The following ZNF669 variants were observed in gnomAD, a reference collection of about 807,000 sequenced individuals.
ZNF669 encodes zinc finger protein 669.
A neutral mutation model predicts 11.4 loss-of-function variants in ZNF669; 7 were observed. That is an observed-to-expected ratio of 0.62 (90% CI 0.35 to 1.16). The LOEUF (loss-of-function observed/expected upper bound fraction) is 1.16, where lower values mean the gene tolerates loss of function less well. Among genes scored for constraint, ZNF669 ranks in the 50% most tolerant of loss-of-function variants. The pLI is 0.02. For synonymous variants in ZNF669, 153 were observed against 155.8 expected, an observed-to-expected ratio of 0.98 and a Z score of 0.13; for missense variants, 492 against 463.6, an observed-to-expected ratio of 1.06 and a Z score of -0.56.
chr1:247,100,520 G>A lies in ZNF669; in HGVS notation c.991C>T (p.Pro331Ser). ...LHERIHTGEK[P>S]YECKKCGKAY... is the part of the protein sequence containing the mutation. ...TTACCGCATTTCTTACATTCATAGG[G>A]TTTTTCTCCAGTATGAATTCTTTCG... The change falls in exon 4 of 4, where the codon CCC (proline) becomes TCC (serine). Residue 331 changes from proline (P) to serine (S), a missense_variant. Physicochemically the swap from Pro to Ser is moderately conservative, Grantham distance 74. Coordinates refer to ENST00000448299, the MANE Select transcript of ZNF669 (RefSeq NM_001142572.2). 6.2e-7 allele frequency: 1 copy of A among 1,614,216 alleles called. No homozygotes were observed. Among genetic ancestry groups the A allele is most frequent in the Non-Finnish European group, 8.5e-7 (1 of 1,180,046 alleles).
At chr1:247,103,035 T>C (rs1480703821) in intron 1 of ZNF669, among the ~76,000 whole-genome samples, 2 of 152,170 alleles carry the variant, frequency 1.3e-5, no homozygotes, top group Non-Finnish European at 2.9e-5. Flanking sequence ...TCATACCTAG[T>C]AAAAATGACA....
chr1:247,101,179 A>G lies in ZNF669; in HGVS notation c.332T>C (p.Val111Ala). 6.2e-7 allele frequency: 1 copy of G among 1,614,112 alleles called. No homozygotes were observed. The change falls in exon 4 of 4, where the codon GTC becomes GCC. Residue 111 changes from valine (V) to alanine (A), a missense_variant. Physicochemically the swap from Val to Ala is moderately conservative, Grantham distance 64. Coordinates refer to ENST00000448299, the MANE Select transcript of ZNF669 (RefSeq NM_001142572.2). The part of the protein sequence containing the change: ...KPCECSICGK[V>A]FVRHSLLNRH... Reference sequence around the variant, plus strand: ...ATTAAGGAGGGAATGACGTACAAAGACTTTTCCACAAATACTGCATTCACA... The same window carrying G: ...ATTAAGGAGGGAATGACGTACAAAGGCTTTTCCACAAATACTGCATTCACA...
In ZNF669 at chr1:247,101,753, C is replaced by T. The variant is rs758187041; in HGVS notation, c.169G>A (p.Glu57Lys). 2.2e-5 allele frequency: 36 copies of T among 1,613,832 alleles called. No homozygotes were observed. The highest frequency in any genetic ancestry group is 1.1e-4 in the East Asian group (5 of 44,862). The change falls in exon 3 of 4, where the codon GAA becomes AAA. Residue 57 changes from glutamate to lysine, a missense_variant. Transcript: ENST00000448299. ...WKDQNIEDHF[E>K]KPGKDIRNHI... is the part of the protein sequence containing the mutation. The stretch of plus-strand genomic sequence containing the variant: ...TACCTTATATCTTTCCCAGGTTTTT[C>T]GAAGTGATCTTCAATATTCTGGTCT...
intron 1 of ZNF669, 185 bp downstream of exon 1, chr1:247,104,012 T>C: frequency 1.9e-6 from 3 of 1,599,118 alleles, no homozygotes; most frequent in Non-Finnish European, 2.6e-6. Flanking sequence ...ACAGACAGGA[T>C]GCAGGGGTTC....
intron 3 of ZNF669, 84 bp downstream of exon 3, chr1:247,101,647 T>G: frequency 1.5e-6 from 2 of 1,297,684 alleles, no homozygotes; most frequent in Non-Finnish European, 2.2e-6. Context: ...GTGACTCTTA[T>G]TTGTTTTGAT....
rs142870669 is a variant in ZNF669, at chr1:247,101,491, C to T, written c.192-172G>A. 3.5e-3 allele frequency among the ~76,000 whole-genome samples: 537 copies of T among 152,158 alleles called. 1 individual carries two copies. The highest frequency in any genetic ancestry group is 5.9e-3 in the Non-Finnish European group (404 of 68,010). On this transcript the variant is annotated intron_variant, in intron 3 of 3. Transcript: ENST00000448299. ...GTTACTACTGAAAACACAGCTACCA[C>T]CTGCATGGCTATGACCAAAATAGTA...
In ZNF669 at chr1:247,102,031, TAG is replaced by T. The variant is rs778065882; in HGVS notation, c.84_85del (p.Tyr29GlnfsTer24). On this transcript the variant is annotated frameshift_variant, in exon 2 of 4. Coordinates refer to ENST00000448299, the MANE Select transcript of ZNF669 (RefSeq NM_001142572.2). LOFTEE classifies it high-confidence loss of function. ...GCAGGTTTCCTGCATCACTTCTCTGTAGAGATTCTTCTGAGAAGAATCTAGCA... is the reference window on the plus strand; with the variant it reads ...GCAGGTTTCCTGCATCACTTCTCTGTAGATTCTTCTGAGAAGAATCTAGCA... 1.2e-6 allele frequency: 2 copies of T among 1,613,806 alleles called. No individual in the cohort carries two copies. Among genetic ancestry groups the T allele is most frequent in the South Asian group, 2.2e-5 (2 of 90,994 alleles).
At chr1:247,102,228 T>C in intron 1 of ZNF669, 115 bp from the exon 2 acceptor site, 1 of 1,268,432 alleles carries the variant, frequency 7.9e-7, no homozygotes, top group Non-Finnish European at 1.1e-6. Context: ...ATTTATTCTA[T>C]GACTTGATTG....
At chr1:247,103,033 A>C (rs1035541634) in intron 1 of ZNF669, among the ~76,000 whole-genome samples, 1 of 152,228 alleles carries the variant, frequency 6.6e-6, no homozygotes, top group Non-Finnish European at 1.5e-5. Flanking sequence ...TTTCATACCT[A>C]GTAAAAATGA....
chr1:247,100,881 A>G lies in ZNF669; in HGVS notation c.630T>C (p.His210=). The change falls in exon 4 of 4, where the codon CAT becomes CAC. Residue 210 remains histidine, a synonymous_variant. Coordinates refer to ENST00000448299, the MANE Select transcript of ZNF669 (RefSeq NM_001142572.2). ...GTTTCTCTCCAGTGTGAGTTCGTTC[A>G]TGTATTAGACAAGAACCGGAAACAG... is the stretch of plus-strand genomic sequence containing the variant. ...AFTVSGSCLI[H]ERTHTGEKPY... 1 of 1,614,178 alleles carries G rather than the reference A, an allele frequency of 6.2e-7. No individual in the cohort carries two copies. The highest frequency in any genetic ancestry group is 8.5e-7 in the Non-Finnish European group (1 of 1,180,036).
intron 3 of ZNF669, 81 bp downstream of exon 3, chr1:247,101,650 G>T: frequency 7.5e-7 from 1 of 1,333,010 alleles, no homozygotes; most frequent in Non-Finnish European, 1.0e-6. Context: ...ACTCTTATTT[G>T]TTTTGATTGC....
At position 247,100,586 on chromosome 1, in the gene ZNF669, A is replaced by G; in HGVS notation, c.925T>C (p.Cys309Arg). The change falls in exon 4 of 4, where the codon TGT becomes CGT. Residue 309 changes from cysteine (C) to arginine (R), a missense_variant. Coordinates refer to ENST00000448299, the MANE Select transcript of ZNF669 (RefSeq NM_001142572.2). ...CTGAGGCGACTGAAGGCTTGATCAC[A>G]TTGTTTACATTCATAGGGTTTCTCT... The part of the protein sequence containing the change: ...TGEKPYECKQ[C>R]DQAFSRLSSL... 2.5e-6 allele frequency: 4 copies of G among 1,614,154 alleles called. No homozygotes were observed. The highest frequency in any genetic ancestry group is 1.7e-5 in the Admixed American group (1 of 60,016).
In ZNF669 at chr1:247,101,750, T is replaced by C; in HGVS notation, c.172A>G (p.Lys58Glu). The change falls in exon 3 of 4, where the codon AAA becomes GAA. Residue 58 changes from lysine to glutamate, a missense_variant. By Grantham distance (56) the Lys-to-Glu change is moderately conservative. Coordinates refer to ENST00000448299, the MANE Select transcript of ZNF669 (RefSeq NM_001142572.2). ...AATTACCTTATATCTTTCCCAGGTT[T>C]TTCGAAGTGATCTTCAATATTCTGG... ...KDQNIEDHFE[K>E]PGKDIRNHIV... is the part of the protein sequence containing the mutation. 1 of 1,614,060 alleles carries C rather than the reference T, an allele frequency of 6.2e-7. No individual in the cohort carries two copies. Among genetic ancestry groups the C allele is most frequent in the South Asian group, 1.1e-5 (1 of 91,062 alleles).
rs1047188480 is a variant in ZNF669 at position 247,100,066 on chromosome 1, G to A, written c.*308C>T. The A allele has an allele frequency of 8.0e-6, 2 of 250,880 alleles. No individual in the cohort carries two copies. The highest frequency in any genetic ancestry group is 1.5e-5 in the Non-Finnish European group (2 of 130,102). The allele number at this position is 250,880 out of a possible 1,614,324, so 15.5% of individuals were successfully genotyped here. A position where few individuals can be genotyped will look rare whatever the true frequency, so the allele number is the denominator to read the frequency against. The stretch of plus-strand genomic sequence containing the variant: ...GTGGTGCGATCTCGGCTCACTGCAA[G>A]TTCCGCCTCCCGGGTTCATGCCATT... On this transcript the variant is annotated 3_prime_UTR_variant, in exon 4 of 4. Transcript: ENST00000448299.
At chr1:247,104,021 TCCGCTGCCCGCC>T in intron 1 of ZNF669, 164 bp downstream of exon 1, 1 of 1,593,914 alleles carries the variant, frequency 6.3e-7, no homozygotes. Context: ...ATGCAGGGGT[TCCGCTGCCCGCC>T]CCGCCCGGCC....
chr1:247,104,320 G>A lies in ZNF669; in HGVS notation c.-121C>T. 7.6e-7 allele frequency: 1 copy of A among 1,310,832 alleles called. No homozygotes were observed. The highest frequency in any genetic ancestry group is 1.0e-6 in the Non-Finnish European group (1 of 1,003,204). The allele number at this position is 1,310,832 out of a possible 1,614,324, so 81.2% of individuals were successfully genotyped here. ...CCCAGAGCCAAGAACTAGCAGCGGA[G>A]ACTAACAGGAAGAGCCGGCTCCGGC... On this transcript the variant is annotated 5_prime_UTR_variant, in exon 1 of 4. Coordinates refer to ENST00000448299, the MANE Select transcript of ZNF669 (RefSeq NM_001142572.2).
chr1:247,100,383 C>A lies in ZNF669; in HGVS notation c.1128G>T (p.Trp376Cys). The A allele has an allele frequency of 6.3e-7, 1 of 1,591,464 alleles. No homozygotes were observed. The highest frequency in any genetic ancestry group is 8.6e-7 in the Non-Finnish European group (1 of 1,163,984). The part of the protein sequence containing the change: ...NPSTLGGQGV[W>C]IA ...TTATGAACTCCTGGGCTCAAGCAAT[C>A]CACACGCCTTGGCCTCCCAAAGTGC... Residue 376 changes from tryptophan to cysteine, a missense_variant, in exon 4 of 4, where the codon TGG becomes TGT. By Grantham distance (215) the Trp-to-Cys change is radical. Coordinates refer to ENST00000448299, the MANE Select transcript of ZNF669 (RefSeq NM_001142572.2).
chr1:247,103,121 A>C (rs1248847769), intron 1 of ZNF669, among the ~76,000 whole-genome samples: 2 of 152,208 alleles, frequency 1.3e-5, no homozygotes, highest in African/African-American at 4.8e-5. Context: ...TTCAACCAAA[A>C]ATATTCAGGA....
intron 1 of ZNF669, 131 bp downstream of exon 1, chr1:247,104,066 G>T (rs1436529349): frequency 6.3e-7 from 1 of 1,583,018 alleles, no homozygotes; most frequent in Non-Finnish European, 8.6e-7. Flanking sequence ...GAAGAGGACT[G>T]AGCCCCGGCT....
Sources: gnomAD v4.1 joint callset for allele counts (sites outside exome capture counted in the v4.1 genomes callset) on GRCh38, gnomAD v4.1.1 for gene constraint, MANE v1.5 for transcripts, NCBI Gene and HGNC (gene_info 2026-07-23, HGNC 2026-07-21) for gene names.